UGT2B28: variants seen among roughly 807,000 people sequenced by gnomAD.
UGT2B28 encodes UDP-glucuronosyltransferase 2B28.
In UGT2B28, 45 loss-of-function variants were observed where a neutral mutation model predicts 43.6. The ratio of observed to expected loss-of-function variants is 1.03; its 90% CI spans 0.81 to 1.32. The LOEUF (loss-of-function observed/expected upper bound fraction) is 1.32. Among genes scored for constraint, UGT2B28 ranks in the 40% most tolerant of loss-of-function variants. UGT2B28 has a pLI of 0.00. For synonymous variants in UGT2B28, 204 were observed against 208.1 expected (o/e 0.98, Z 0.17); for missense variants, 649 against 625.5 (o/e 1.04, Z -0.40).
Position 69,292,213 on chromosome 4 carries a change from A to C in UGT2B28, c.1310+1402A>C, listed in dbSNP as rs374551827. Among the ~76,000 whole-genome samples, 4 of 140,624 alleles carry C rather than the reference A, an allele frequency of 2.8e-5. No homozygotes were observed. In the East Asian group the frequency reaches 6.1e-4, roughly 22 times the overall value. The allele number at this position is 140,624 out of a possible 152,430, so 92.3% of individuals were successfully genotyped here. A position where few individuals can be genotyped will look rare whatever the true frequency, so the allele number is the denominator to read the frequency against. On this transcript the variant is annotated intron_variant, in intron 5 of 5. Coordinates refer to ENST00000335568, the MANE Select transcript of UGT2B28 (RefSeq NM_053039.2). ...AGCACAAAAAATATAATTTTAAGTT[A>C]AAGTTTTAATAATTGATTTTGTTCA...
chr4:69,281,282 C>T, intron 1 of UGT2B28, 61 bp downstream of exon 1: 1 of 1,425,894 alleles, frequency 7.0e-7, no homozygotes, highest in South Asian at 1.7e-5. Flanking sequence ...TGAAGCAGAG[C>T]TTATATAAAG....
rs1723666627 is a variant in UGT2B28 at position 69,283,076 on chromosome 4, G to T, written c.870+414G>T. ...ATATAGAAAAGTAACTAATGAAAAT[G>T]TTTTAAAAAACTATTATCTCAAGGA... is the stretch of plus-strand genomic sequence containing the variant. On this transcript the variant is annotated intron_variant, in intron 2 of 5. Transcript: ENST00000335568. Among the ~76,000 whole-genome samples, 2 of 140,360 alleles carry T rather than the reference G, an allele frequency of 1.4e-5. 1 individual carries two copies. The highest frequency in any genetic ancestry group is 4.8e-4 in the South Asian group (2 of 4,184). 92.1% of individuals were successfully genotyped at this position (140,360 alleles called of 152,430 possible). A position where few individuals can be genotyped will look rare whatever the true frequency, so the allele number is the denominator to read the frequency against.
Position 69,295,004 on chromosome 4 carries a change from T to C in UGT2B28, c.*195T>C. 1 of 677,956 alleles carries C rather than the reference T, an allele frequency of 1.5e-6. No individual in the cohort carries two copies. The highest frequency in any genetic ancestry group is 2.1e-6 in the Non-Finnish European group (1 of 484,122). 42.0% of individuals were successfully genotyped at this position (677,956 alleles called of 1,614,324 possible). ...CCAGGTAATGGTTAGAAATATTCTG[T>C]GGCAATGAAGAAAACACTAGGGAAA... On this transcript the variant is annotated 3_prime_UTR_variant, in exon 6 of 6. Transcript: ENST00000335568.
chr4:69,283,842 C>A (rs1445735701), intron 2 of UGT2B28, among the ~76,000 whole-genome samples: 1 of 140,074 alleles, frequency 7.1e-6, no homozygotes, highest in African/African-American at 2.8e-5. Flanking sequence ...ACCCTGTGGA[C>A]TTGATTAAAA....
chr4:69,289,613 T>A lies in UGT2B28; in HGVS notation c.1003-52T>A, dbSNP rs1172605765. Reference sequence around the variant, plus strand: ...TACCCTTTTTACAGTTCTAACATTCTATAATTTTTGAGTTCCACTCATGGA... The same window carrying A: ...TACCCTTTTTACAGTTCTAACATTCAATAATTTTTGAGTTCCACTCATGGA... On this transcript the variant is annotated intron_variant, in intron 3 of 5. Coordinates refer to ENST00000335568, the MANE Select transcript of UGT2B28 (RefSeq NM_053039.2). The A allele has an allele frequency of 3.2e-5, 46 of 1,447,484 alleles. 8 individuals are homozygous for A. The African/African-American group carries it at 6.8e-4, about 21-fold the overall frequency. The allele number at this position is 1,447,484 out of a possible 1,614,324, so 89.7% of individuals were successfully genotyped here. A position where few individuals can be genotyped will look rare whatever the true frequency, so the allele number is the denominator to read the frequency against.
Position 69,292,192 on chromosome 4 carries a change from C to CA in UGT2B28, c.1310+1387dup, listed in dbSNP as rs1202339539. On this transcript the variant is annotated intron_variant, in intron 5 of 5. Coordinates refer to ENST00000335568, the MANE Select transcript of UGT2B28 (RefSeq NM_053039.2). ...CTTTTTGATGATGGTCTTTGAAGCA[C>CA]AAAAAATATAATTTTAAGTTAAAGT... 1.4e-5 allele frequency among the ~76,000 whole-genome samples: 2 copies of CA among 139,926 alleles called. 1 individual carries two copies. Among genetic ancestry groups the CA allele is most frequent in the African/African-American group, 5.6e-5 (2 of 35,874 alleles). 91.8% of individuals were successfully genotyped at this position (139,926 alleles called of 152,430 possible).
chr4:69,283,227 A>G lies in UGT2B28; in HGVS notation c.870+565A>G, dbSNP rs1723673412. 1.4e-5 allele frequency among the ~76,000 whole-genome samples: 2 copies of G among 139,090 alleles called. 1 individual carries two copies. The allele number at this position is 139,090 out of a possible 152,430, so 91.2% of individuals were successfully genotyped here. The stretch of plus-strand genomic sequence containing the variant: ...AGAATGGCGGGGAGAGGCAGACAAA[A>G]AGGGAAAGCAGATAAAGTGGTCAGG... On this transcript the variant is annotated intron_variant, in intron 2 of 5. Transcript: ENST00000335568.
In UGT2B28 at chr4:69,280,923, A is replaced by G. The variant is rs1322885672; in HGVS notation, c.423A>G (p.Gln141=). 1 of 1,560,064 alleles carries G rather than the reference A, an allele frequency of 6.4e-7. No homozygotes were observed. The highest frequency in any genetic ancestry group is 8.7e-7 in the Non-Finnish European group (1 of 1,155,708). ...ATAAGAAAGTTATGAAAAAACTACA[A>G]GAGTCAAGATTTGACATCATTTTTG... ...VSNKKVMKKL[Q]ESRFDIIFAD... is the part of the protein sequence containing the mutation. Residue 141 remains glutamine, a synonymous_variant, in exon 1 of 6, where the codon CAA becomes CAG. Transcript: ENST00000335568.
At chr4:69,288,161 A>G (rs1198855500) in intron 3 of UGT2B28, among the ~76,000 whole-genome samples, 7 of 139,660 alleles carry the variant, frequency 5.0e-5, no homozygotes, top group Non-Finnish European at 1.1e-4. Flanking sequence ...CAAAAAAAAA[A>G]AAAATCCAAA....
In UGT2B28 at chr4:69,294,658, C is replaced by A. The variant is rs756229589; in HGVS notation, c.1439C>A (p.Ala480Asp). Reference protein sequence around the residue: ...HKGAKHLRVAARDLTWFQYHS... With the variant: ...HKGAKHLRVADRDLTWFQYHS... ...GGAGCCAAACACCTTCGAGTTGCAG[C>A]CCGTGACCTCACCTGGTTCCAGTAC... The change falls in exon 6 of 6, where the codon GCC becomes GAC. Residue 480 changes from alanine to aspartate, a missense_variant. Coordinates refer to ENST00000335568, the MANE Select transcript of UGT2B28 (RefSeq NM_053039.2). 17 of 1,560,138 alleles carry A rather than the reference C, an allele frequency of 1.1e-5. 2 individuals are homozygous for A. The highest frequency in any genetic ancestry group is 1.4e-5 in the Non-Finnish European group (16 of 1,155,392).
At chr4:69,289,417 G>A (rs1241352367) in intron 3 of UGT2B28, among the ~76,000 whole-genome samples, 4 of 140,060 alleles carry the variant, frequency 2.9e-5, no homozygotes, top group Non-Finnish European at 6.1e-5. Context: ...ACAATTTTTT[G>A]AATATTTGAA....
intron 3 of UGT2B28, among the ~76,000 whole-genome samples, chr4:69,288,746 C>A (rs1379841255): frequency 7.2e-6 from 1 of 138,742 alleles, no homozygotes; most frequent in Non-Finnish European, 1.5e-5. Flanking sequence ...TTTCCTCCCA[C>A]CCTCCACCAT....
At chr4:69,293,792 C>CA (rs1471182077) in intron 5 of UGT2B28, among the ~76,000 whole-genome samples, 1 of 140,396 alleles carries the variant, frequency 7.1e-6, no homozygotes, top group Non-Finnish European at 1.5e-5. Context: ...GACCAAATAA[C>CA]AGAGTTGAAT....
At chr4:69,294,479 C>T (rs1560568818) in intron 5 of UGT2B28, 51 bp from the exon 6 acceptor site, 1 of 1,457,284 alleles carries the variant, frequency 6.9e-7, no homozygotes, top group Non-Finnish European at 9.1e-7. Flanking sequence ...TTGATACATA[C>T]AGGCCAGTTA....
In UGT2B28 at chr4:69,293,291, G is replaced by A. The variant is rs1366701625; in HGVS notation, c.1311-1239G>A. Among the ~76,000 whole-genome samples the A allele has an allele frequency of 2.1e-5, 3 of 140,448 alleles. 1 individual carries two copies. Among genetic ancestry groups the A allele is most frequent in the Non-Finnish European group, 4.6e-5 (3 of 65,706 alleles). The allele number at this position is 140,448 out of a possible 152,430, so 92.1% of individuals were successfully genotyped here. ...GTTCAGAAAAAGGGAGTTATTCTAG[G>A]CAGATTGTGATAGCCTATACCACGA... On this transcript the variant is annotated intron_variant, in intron 5 of 5. Transcript: ENST00000335568.
At position 69,294,701 on chromosome 4, in the gene UGT2B28, T is replaced by C. The variant is rs1285186132; in HGVS notation, c.1482T>C (p.Ile494=). Residue 494 remains isoleucine (I), a synonymous_variant, in exon 6 of 6, where the codon ATT becomes ATC. Coordinates refer to ENST00000335568, the MANE Select transcript of UGT2B28 (RefSeq NM_053039.2). ...TWFQYHSLDV[I]GFLLACVATV... ...TCCAGTACCACTCTTTGGATGTGATTGGGTTTCTGCTGGCCTGTGTGGCAA... is the reference window on the plus strand; with the variant it reads ...TCCAGTACCACTCTTTGGATGTGATCGGGTTTCTGCTGGCCTGTGTGGCAA... 6.4e-7 allele frequency: 1 copy of C among 1,559,954 alleles called. No individual in the cohort carries two copies. The highest frequency in any genetic ancestry group is 1.5e-5 in the African/African-American group (1 of 66,092).
In UGT2B28 at chr4:69,286,198, T is replaced by C. The variant is rs1299677480; in HGVS notation, c.871-554T>C. On this transcript the variant is annotated intron_variant, in intron 2 of 5. Transcript: ENST00000335568. ...CTGGAAAACTCTGACAAACTTTAAG[T>C]GAAGCATAAAGCATTGTAGAGGAAC... Among the ~76,000 whole-genome samples the C allele has an allele frequency of 2.1e-5, 3 of 141,448 alleles. 1 individual carries two copies. Among genetic ancestry groups the C allele is most frequent in the Admixed American group, 2.1e-4 (3 of 14,150 alleles). The allele number at this position is 141,448 out of a possible 152,430, so 92.8% of individuals were successfully genotyped here.
intron 2 of UGT2B28, among the ~76,000 whole-genome samples, chr4:69,284,220 T>A (rs1457850291): frequency 7.2e-6 from 1 of 139,680 alleles, no homozygotes; most frequent in African/African-American, 2.8e-5. Flanking sequence ...AACAAATAAT[T>A]TCTACCACTT....
Position 69,286,622 on chromosome 4 carries a change from T to C in UGT2B28, c.871-130T>C. On this transcript the variant is annotated intron_variant, in intron 2 of 5. Coordinates refer to ENST00000335568, the MANE Select transcript of UGT2B28 (RefSeq NM_053039.2). ...TAAAGAACCTGAGTGATTGAGTCAG[T>C]TAAAAAATATTATTTACTCCAATAA... The C allele has an allele frequency of 3.1e-6, 4 of 1,306,240 alleles. 1 individual carries two copies. The highest frequency in any genetic ancestry group is 4.1e-6 in the Non-Finnish European group (4 of 987,154). 80.9% of individuals were successfully genotyped at this position (1,306,240 alleles called of 1,614,324 possible).
Sources: allele counts gnomAD v4.1 joint callset (sites outside exome capture counted in the v4.1 genomes callset), GRCh38; gene constraint gnomAD v4.1.1; transcripts MANE v1.5; gene names NCBI Gene and HGNC (gene_info 2026-07-23, HGNC 2026-07-21).